MDN1: variants seen among roughly 807,000 people sequenced by gnomAD.
MDN1 encodes midasin.
Under a neutral mutation model 669.2 loss-of-function variants are expected in MDN1, and 266 were observed. The observed-to-expected ratio is 0.40, with a 90% CI of 0.36 to 0.44. The LOEUF (loss-of-function observed/expected upper bound fraction) is 0.44. Ranked by LOEUF, MDN1 falls within the 20% of genes least tolerant of loss-of-function variation. The probability of loss-of-function intolerance (pLI) is 1.00; values close to 1 mark genes in which losing one functional copy is unlikely to be tolerated. For synonymous variants in MDN1, 2,385 were observed against 2,457.1 expected (o/e 0.97, Z 0.87); for missense variants, 5,940 against 6,754.0 (o/e 0.88, Z 4.22).
At chr6:89,756,691 G>A (rs533792433) in intron 19 of MDN1, among the ~76,000 whole-genome samples, 10 of 152,310 alleles carry the variant, frequency 6.6e-5, no homozygotes, top group Admixed American at 1.3e-4. Flanking sequence ...GGGAGGCCGA[G>A]GCCGGTGGAT....
chr6:89,674,300 G>C lies in MDN1; in HGVS notation c.13051C>G (p.Leu4351Val), dbSNP rs1811034916. 5.0e-6 allele frequency: 8 copies of C among 1,614,120 alleles called. No individual in the cohort carries two copies. Among genetic ancestry groups the C allele is most frequent in the Non-Finnish European group, 6.8e-6 (8 of 1,180,054 alleles). ...KGQLCGVVLD[L>V]IPSNLSYPSP... The stretch of plus-strand genomic sequence containing the variant: ...GGGTAGCTCAGATTGGAAGGAATTA[G>C]GTCCAGCACTACTCCACAAAGTTGT... Residue 4351 changes from leucine to valine, a missense_variant, in exon 79 of 102, where the codon CTA becomes GTA. Leu to Val is a conservative substitution (Grantham distance 32, BLOSUM62 1). This residue lies in a region of MDN1 where 2,280 missense variants were observed against 2,576.3 expected (regional missense o/e 0.88). Coordinates refer to ENST00000369393, the MANE Select transcript of MDN1 (RefSeq NM_014611.3).
Position 89,718,966 on chromosome 6 carries a change from A to G in MDN1, c.6122T>C (p.Leu2041Pro). The G allele has an allele frequency of 6.2e-7, 1 of 1,614,138 alleles. No individual in the cohort carries two copies. ...VPHPSRHPLL[L>P]LHQSFQPLES... ...CAGGGGTTGGAATGACTGGTGCAGG[A>G]GCAACAGGGGATGGCGGGACGGGTG... The change falls in exon 42 of 102, where the codon CTC becomes CCC. Residue 2041 changes from leucine to proline, a missense_variant. This residue lies in a region of MDN1 where 2,292 missense variants were observed against 2,638.3 expected (regional missense o/e 0.87). Transcript: ENST00000369393.
At chr6:89,791,795 G>A (rs1819280668) in intron 5 of MDN1, among the ~76,000 whole-genome samples, 1 of 151,632 alleles carries the variant, frequency 6.6e-6, no homozygotes, top group Admixed American at 6.6e-5. Flanking sequence ...AACATAGTGA[G>A]ACTCTGTCTC....
At chr6:89,645,500 C>T (rs1307482786) in intron 100 of MDN1, among the ~76,000 whole-genome samples, 2 of 152,144 alleles carry the variant, frequency 1.3e-5, no homozygotes, top group Non-Finnish European at 2.9e-5. Flanking sequence ...TAGTTTATGG[C>T]TATAAACTTT....
At chr6:89,659,433 G>A (rs994102002) in intron 88 of MDN1, among the ~76,000 whole-genome samples, 5 of 152,162 alleles carry the variant, frequency 3.3e-5, no homozygotes, top group African/African-American at 1.2e-4. Context: ...TACCCCATCC[G>A]TTTTGTACTG....
chr6:89,740,244 C>G lies in MDN1; in HGVS notation c.4583G>C (p.Gly1528Ala). 1 of 1,609,776 alleles carries G rather than the reference C, an allele frequency of 6.2e-7. No individual in the cohort carries two copies. The highest frequency in any genetic ancestry group is 1.1e-5 in the South Asian group (1 of 90,262). The change falls in exon 32 of 102, where the codon GGA (glycine) becomes GCA (alanine). Residue 1528 changes from glycine (G) to alanine (A), a missense_variant. By Grantham distance (60) the Gly-to-Ala change is moderately conservative. This residue lies in a region of MDN1 where 2,292 missense variants were observed against 2,638.3 expected (regional missense o/e 0.87). Transcript: ENST00000369393. ...LATMNPGGDF[G>A]KKELSPALRN... ...TCAGTAAAGTTTTACCTCCTTTTTT[C>G]CAAAGTCACCCCCAGGGTTCATGGT...
chr6:89,753,123 C>CA (rs747776481), intron 22 of MDN1, among the ~76,000 whole-genome samples: 69 of 147,196 alleles, frequency 4.7e-4, no homozygotes, highest in East Asian at 2.4e-3. Flanking sequence ...ACTCTATCTG[C>CA]AAAAAAAAAC....
Position 89,718,892 on chromosome 6 carries a change from C to T in MDN1, c.6196G>A (p.Gly2066Arg), listed in dbSNP as rs140680676. Residue 2066 changes from glycine (G) to arginine (R), a missense_variant, in exon 42 of 102, where the codon GGG (glycine) becomes AGG (arginine). Transcript: ENST00000369393. ...CTGGTCTTGCCCACAGAGGCTGGCC[C>T]GACCAGGATGACCATCCAGCTCATC... ...VQMSWMVILV[G>R]PASVGKTSLV... 12 of 1,613,974 alleles carry T rather than the reference C, an allele frequency of 7.4e-6. No homozygotes were observed. Among genetic ancestry groups the T allele is most frequent in the Non-Finnish European group, 9.3e-6 (11 of 1,180,024 alleles).
intron 32 of MDN1, among the ~76,000 whole-genome samples, chr6:89,739,258 G>A (rs1303808885): frequency 6.6e-6 from 1 of 152,082 alleles, no homozygotes; most frequent in East Asian, 1.9e-4. Flanking sequence ...GTAAAAGTCA[G>A]CAAGCATTGA....
Position 89,793,820 on chromosome 6 carries a change from C to T in MDN1, c.797G>A (p.Arg266Lys). 6.2e-7 allele frequency: 1 copy of T among 1,614,132 alleles called. No homozygotes were observed. Among genetic ancestry groups the T allele is most frequent in the East Asian group, 2.2e-5 (1 of 44,872 alleles). The stretch of plus-strand genomic sequence containing the variant: ...CACCACACCACAAACAGCTGTCACC[C>T]TAGGGGAGAGGTCAGACGAAACAAG... ...GHLVSSDLSP[R>K]VTAVCGVVLP... Residue 266 changes from arginine (R) to lysine (K), a missense_variant, in exon 5 of 102, where the codon AGG becomes AAG. Coordinates refer to ENST00000369393, the MANE Select transcript of MDN1 (RefSeq NM_014611.3).
rs571496408 is a variant in MDN1 at position 89,810,682 on chromosome 6, ATGTC to A, written c.103-7132_103-7129del. ...ATCGCCACATGGCCATCTTCCCTTT[ATGTC>A]TTTCTCTCCTCATAAGAACAGTCAT... On this transcript the variant is annotated intron_variant, in intron 1 of 101. Transcript: ENST00000369393. Among the ~76,000 whole-genome samples, 4 of 151,870 alleles carry A rather than the reference ATGTC, an allele frequency of 2.6e-5. No homozygotes were observed. In the East Asian group the frequency reaches 7.8e-4, roughly 30 times the overall value.
rs757918456 is a variant in MDN1 at position 89,730,907 on chromosome 6, C to A, written c.4959G>T (p.Gly1653=). 6.2e-7 allele frequency: 1 copy of A among 1,613,878 alleles called. No individual in the cohort carries two copies. Among genetic ancestry groups the A allele is most frequent in the South Asian group, 1.1e-5 (1 of 91,048 alleles). The part of the protein sequence containing the change: ...DGIGSGVTSS[G]FGTALLARKE... ...TTCGTGCCAAAAGGGCTGTACCAAACCCAGAGGAAGTTACCCCTAAAAGAC... is the reference window on the plus strand; with the variant it reads ...TTCGTGCCAAAAGGGCTGTACCAAAACCAGAGGAAGTTACCCCTAAAAGAC... Residue 1653 remains glycine, a synonymous_variant, in exon 35 of 102, where the codon GGG becomes GGT. Coordinates refer to ENST00000369393, the MANE Select transcript of MDN1 (RefSeq NM_014611.3).
In MDN1 at chr6:89,722,772, G is replaced by A. The variant is rs560334617; in HGVS notation, c.5967+183C>T. On this transcript the variant is annotated intron_variant, in intron 40 of 101. Coordinates refer to ENST00000369393, the MANE Select transcript of MDN1 (RefSeq NM_014611.3). ...TAAGGCAGGAGAATCACTTGAACCTGGGAGGTGAAGCTGCAGCAAGCCAAG... is the reference window on the plus strand; with the variant it reads ...TAAGGCAGGAGAATCACTTGAACCTAGGAGGTGAAGCTGCAGCAAGCCAAG... 3.9e-5 allele frequency among the ~76,000 whole-genome samples: 6 copies of A among 151,914 alleles called. No homozygotes were observed. The South Asian group carries it at 1.0e-3, about 26-fold the overall frequency.
At chr6:89,766,977 T>C (rs1817832460) in intron 15 of MDN1, among the ~76,000 whole-genome samples, 1 of 152,214 alleles carries the variant, frequency 6.6e-6, no homozygotes, top group African/African-American at 2.4e-5. Flanking sequence ...CTTCTCAATA[T>C]ATCACTGTTT....
intron 92 of MDN1, among the ~76,000 whole-genome samples, 155 bp downstream of exon 92, chr6:89,655,609 G>A (rs1255111588): frequency 1.1e-4 from 16 of 152,060 alleles, no homozygotes; most frequent in Admixed American, 1.0e-3. Flanking sequence ...TCAGCTGCCA[G>A]GCACAGCTGA....
At chr6:89,754,267 T>A in intron 20 of MDN1, 37 bp from the exon 21 acceptor site, 1 of 1,597,386 alleles carries the variant, frequency 6.3e-7, no homozygotes, top group Non-Finnish European at 8.5e-7. Flanking sequence ...TTTTATTTAC[T>A]AATAAGTATC....
chr6:89,749,587 G>C lies in MDN1; in HGVS notation c.3571C>G (p.Leu1191Val), dbSNP rs375029631. 5.1e-5 allele frequency: 82 copies of C among 1,614,030 alleles called. No homozygotes were observed. The highest frequency in any genetic ancestry group is 6.6e-5 in the Non-Finnish European group (78 of 1,180,030). Residue 1191 changes from leucine (L) to valine (V), a missense_variant, in exon 25 of 102, where the codon CTT becomes GTT. Leu to Val is a conservative substitution (Grantham distance 32). Around this residue, in one of 5 missense-constraint regions of MDN1, gnomAD observed 2,292 missense variants for 2,638.3 expected, o/e 0.87. Coordinates refer to ENST00000369393, the MANE Select transcript of MDN1 (RefSeq NM_014611.3). ...CCTGGGGGATTTTGGGTGGCAAAAA[G>C]CATAAACCGAGGGTGTGCTTTAACA... Reference protein sequence around the residue: ...EVVKAHPRFMLFATQNPPGLY... With the variant: ...EVVKAHPRFMVFATQNPPGLY...
At chr6:89,707,497 CG>C (rs752325246) in intron 51 of MDN1, 21 bp from the exon 52 acceptor site, 52 of 1,405,192 alleles carry the variant, frequency 3.7e-5, no homozygotes, top group Non-Finnish European at 5.2e-5. Flanking sequence ...ATTCAAAAAA[CG>C]TAACAAATAG....
intron 19 of MDN1, 119 bp from the exon 20 acceptor site, chr6:89,756,509 G>T: frequency 1.8e-6 from 1 of 543,930 alleles, no homozygotes; most frequent in Non-Finnish European, 3.2e-6. Context: ...AGTATAAAAT[G>T]TCTTTCAACC....
Sources: gnomAD v4.1 joint callset for allele counts (sites outside exome capture counted in the v4.1 genomes callset) on GRCh38, gnomAD v4.1.1 for gene constraint, gnomAD v4.1.1 regional missense constraint, MANE v1.5 for transcripts, NCBI Gene and HGNC (gene_info 2026-07-23, HGNC 2026-07-21) for gene names.